Variants in WNT7B observed in about 807,000 individuals in gnomAD.
WNT7B encodes the protein Wnt family member 7B, also known as protein Wnt-7b.
WNT7B carries 19 observed loss-of-function variants against 38.2 expected under a neutral mutation model. The observed-to-expected ratio is 0.50, with a 90% CI of 0.35 to 0.73. WNT7B has a LOEUF of 0.73. WNT7B is among the 30% of genes least tolerant of loss of function. The probability of loss-of-function intolerance (pLI) is 0.01; values close to 1 mark genes in which losing one functional copy is unlikely to be tolerated. For synonymous variants in WNT7B, 243 were observed against 209.3 expected (o/e 1.16, Z -1.39); for missense variants, 423 against 507.9 (o/e 0.83, Z 1.61).
intron 1 of WNT7B, chr22:45,954,635 G>A (rs1932019005): frequency 1.0e-6 from 1 of 985,386 alleles, no homozygotes; most frequent in Non-Finnish European, 1.2e-6. Flanking sequence ...TAAAGGGGAA[G>A]TAAAGGCATC....
At chr22:45,968,840 C>T (rs780582185) in intron 1 of WNT7B, among the ~76,000 whole-genome samples, 1 of 152,220 alleles carries the variant, frequency 6.6e-6, no homozygotes, top group Non-Finnish European at 1.5e-5. Flanking sequence ...GTGCCAACTA[C>T]ACGTGGCCTG....
chr22:45,961,534 T>G (rs2146745392), intron 1 of WNT7B, among the ~76,000 whole-genome samples: 1 of 140,580 alleles, frequency 7.1e-6, no homozygotes, highest in Admixed American at 7.2e-5. Flanking sequence ...ATGAGGAAAC[T>G]GAGACTCAGA....
At chr22:45,936,288 G>T (rs914919313) in intron 2 of WNT7B, among the ~76,000 whole-genome samples, 1 of 152,234 alleles carries the variant, frequency 6.6e-6, no homozygotes, top group African/African-American at 2.4e-5. Context: ...AGCTCTGAGA[G>T]CAAACAGGAT....
At position 45,975,697 on chromosome 22, in the gene WNT7B, C is replaced by T; in HGVS notation, c.71+987G>A. The T allele has an allele frequency of 1.7e-6, 1 of 580,818 alleles. No individual in the cohort carries two copies. The highest frequency in any genetic ancestry group is 3.2e-6 in the Non-Finnish European group (1 of 310,442). 36.0% of individuals were successfully genotyped at this position (580,818 alleles called of 1,614,324 possible). A position where few individuals can be genotyped will look rare whatever the true frequency, so the allele number is the denominator to read the frequency against. Reference sequence around the variant, plus strand: ...GTCTGTTCACCGCCTTGCCTGTGGCCTGGACGGGGCTCGCCTCGGGGCAGC... The same window carrying T: ...GTCTGTTCACCGCCTTGCCTGTGGCTTGGACGGGGCTCGCCTCGGGGCAGC... On this transcript the variant is annotated intron_variant, in intron 1 of 3. Transcript: ENST00000339464. The surrounding 1 kb of genome is among the most constrained non-coding windows in gnomAD (Gnocchi z 6.6).
rs1457867811 is a variant in WNT7B, at chr22:45,927,639, T to C, written c.570+3459A>G. 3 of 782,246 alleles carry C rather than the reference T, an allele frequency of 3.8e-6. No homozygotes were observed. The East Asian group carries it at 8.0e-5, about 21-fold the overall frequency. 48.5% of individuals were successfully genotyped at this position (782,246 alleles called of 1,614,324 possible). A position where few individuals can be genotyped will look rare whatever the true frequency, so the allele number is the denominator to read the frequency against. On this transcript the variant is annotated intron_variant, in intron 3 of 3. Transcript: ENST00000339464. ...GGCCAGGTGCAGTGGCTCACACCTG[T>C]AATCCAAGCACTTTGGGAGGCCGAG...
chr22:45,933,369 G>A (rs1314898394), intron 2 of WNT7B, among the ~76,000 whole-genome samples: 7 of 152,148 alleles, frequency 4.6e-5, no homozygotes, highest in South Asian at 2.1e-4. Context: ...GCCTACCCAC[G>A]CTGCCCGCTC....
rs1016394651 is a variant in WNT7B, at chr22:45,920,591, G to T, written c.*2265C>A. ...GTGCGAGTGTCTCGGTGGCATCAGG[G>T]GCCCCAAGGGTCTGTTGAAGCAGGA... On this transcript the variant is annotated 3_prime_UTR_variant, in exon 4 of 4. Transcript: ENST00000339464. 1 of 144,986 alleles carries T rather than the reference G, an allele frequency of 6.9e-6. No individual in the cohort carries two copies. Among genetic ancestry groups the T allele is most frequent in the Non-Finnish European group, 1.5e-5 (1 of 65,560 alleles). The allele number at this position is 144,986 out of a possible 1,614,324, so 9.0% of individuals were successfully genotyped here.
chr22:45,958,707 T>C (rs1452828632), intron 1 of WNT7B, among the ~76,000 whole-genome samples: 1 of 152,200 alleles, frequency 6.6e-6, no homozygotes, highest in Non-Finnish European at 1.5e-5. Flanking sequence ...CCACCCCCAC[T>C]GTCCCGGGGC....
rs1281237469 is a variant in WNT7B, at chr22:45,966,303, C to T, written c.71+10381G>A. 1.3e-5 allele frequency among the ~76,000 whole-genome samples: 2 copies of T among 152,218 alleles called. No individual in the cohort carries two copies. Among genetic ancestry groups the T allele is most frequent in the Non-Finnish European group, 2.9e-5 (2 of 68,038 alleles). ...CCATCTGTCTCACCACGTGGGACTG[C>T]GCGGGCCTAAGTCTCAGCTCTGGAT... On this transcript the variant is annotated intron_variant, in intron 1 of 3. Transcript: ENST00000339464. This position sits in a 1 kb window ranked among gnomAD's most constrained non-coding sequence, Gnocchi z 4.2.
Position 45,976,132 on chromosome 22 carries a change from G to A in WNT7B, c.71+552C>T, listed in dbSNP as rs1156349601. On this transcript the variant is annotated intron_variant, in intron 1 of 3. Coordinates refer to ENST00000339464, the MANE Select transcript of WNT7B (RefSeq NM_058238.3). This position sits in a 1 kb window ranked among gnomAD's most constrained non-coding sequence, Gnocchi z 8.5. ...CCCGGCCGGCCCCACGGCCCATCCC[G>A]AGCCAGCCGGACGAGTTGTCAAGGT... The A allele has an allele frequency of 6.9e-6, 1 of 145,604 alleles. No homozygotes were observed. Among genetic ancestry groups the A allele is most frequent in the East Asian group, 2.0e-4 (1 of 4,980 alleles). The allele number at this position is 145,604 out of a possible 1,614,324, so 9.0% of individuals were successfully genotyped here.
At chr22:45,959,975 G>A (rs189587936) in intron 1 of WNT7B, among the ~76,000 whole-genome samples, 19 of 152,272 alleles carry the variant, frequency 1.2e-4, no homozygotes, top group African/African-American at 3.6e-4. Context: ...GCCCTCCCCC[G>A]CAGATAACAT....
At chr22:45,935,933 T>C in intron 2 of WNT7B, 3 of 985,118 alleles carry the variant, frequency 3.0e-6, no homozygotes, top group Non-Finnish European at 3.6e-6. Context: ...GTCCTGCTGG[T>C]ACACTTGGGT....
intron 1 of WNT7B, among the ~76,000 whole-genome samples, chr22:45,958,156 T>C (rs1932115488): frequency 6.6e-6 from 1 of 152,130 alleles, no homozygotes. Context: ...GCAGGGCCCG[T>C]CAGCAGTGAT....
intron 3 of WNT7B, among the ~76,000 whole-genome samples, chr22:45,928,876 C>T (rs979053974): frequency 3.4e-5 from 5 of 148,068 alleles, no homozygotes; most frequent in African/African-American, 5.0e-5. Flanking sequence ...CGACATACCA[C>T]GACCTTGGTT....
At chr22:45,962,245 A>G (rs1215952940) in intron 1 of WNT7B, among the ~76,000 whole-genome samples, 3 of 152,240 alleles carry the variant, frequency 2.0e-5, no homozygotes, top group Middle Eastern at 3.4e-3. Flanking sequence ...TGGCCAACAC[A>G]AGGGGCCCGC....
chr22:45,926,546 C>T (rs953612185), intron 3 of WNT7B: 2 of 985,296 alleles, frequency 2.0e-6, no homozygotes, highest in South Asian at 9.4e-5. Context: ...CAGGGCGAGA[C>T]TGACCAGCCC....
rs978401825 is a variant in WNT7B, at chr22:45,966,473, G to A, written c.71+10211C>T. On this transcript the variant is annotated intron_variant, in intron 1 of 3. Coordinates refer to ENST00000339464, the MANE Select transcript of WNT7B (RefSeq NM_058238.3). The surrounding 1 kb of genome is among the most constrained non-coding windows in gnomAD (Gnocchi z 4.2). Reference sequence around the variant, plus strand: ...GGTTGGAGCAGGGATCACAGTGCGGGAGGGCTCCAGAAAGCGATAGAGGCC... The same window carrying A: ...GGTTGGAGCAGGGATCACAGTGCGGAAGGGCTCCAGAAAGCGATAGAGGCC... 6.6e-6 allele frequency among the ~76,000 whole-genome samples: 1 copy of A among 152,186 alleles called. No homozygotes were observed.
chr22:45,938,792 ATAAATAT>A (rs1355957128), intron 2 of WNT7B, among the ~76,000 whole-genome samples: 4 of 152,220 alleles, frequency 2.6e-5, no homozygotes, highest in Non-Finnish European at 4.4e-5. Flanking sequence ...CATAGAAATG[ATAAATAT>A]TCTAAAGGAA....
chr22:45,933,967 G>C (rs574594714), intron 2 of WNT7B, among the ~76,000 whole-genome samples: 1 of 152,346 alleles, frequency 6.6e-6, no homozygotes, highest in South Asian at 2.1e-4. Context: ...CCACACAGGC[G>C]TGGATTCCGG....
Sources: allele counts gnomAD v4.1 joint callset (sites outside exome capture counted in the v4.1 genomes callset), GRCh38; gene constraint gnomAD v4.1.1; non-coding constraint Gnocchi (gnomAD v3.1); transcripts MANE v1.5; gene names NCBI Gene and HGNC (gene_info 2026-07-23, HGNC 2026-07-21).